NIPSNAP3A: variants seen among roughly 807,000 people sequenced by gnomAD.
NIPSNAP3A encodes the protein protein NipSnap homolog 3A.
In NIPSNAP3A, 27 loss-of-function variants were observed where a neutral mutation model predicts 32.3. The ratio of observed to expected loss-of-function variants is 0.84; its 90% CI spans 0.62 to 1.15. The LOEUF is 1.15. NIPSNAP3A is among the 50% of genes most tolerant of loss of function. The probability of loss-of-function intolerance (pLI) is 0.00; values close to 1 mark genes in which losing one functional copy is unlikely to be tolerated. For synonymous variants in NIPSNAP3A, 108 were observed against 107.3 expected (o/e 1.01, Z -0.04); for missense variants, 278 against 297.2 (o/e 0.94, Z 0.48).
intron 4 of NIPSNAP3A, 69 bp from the exon 5 acceptor site, chr9:104,759,016 C>G: frequency 2.0e-5 from 17 of 835,800 alleles, no homozygotes; most frequent in Non-Finnish European, 2.9e-5. Context: ...GGGTTTGATT[C>G]ATTTTTCTGT....
Position 104,747,761 on chromosome 9 carries a change from C to G in NIPSNAP3A, c.-32C>G, listed in dbSNP as rs569739687. The G allele has an allele frequency of 6.3e-7, 1 of 1,597,942 alleles. No individual in the cohort carries two copies. The highest frequency in any genetic ancestry group is 1.1e-5 in the South Asian group (1 of 89,092). The stretch of plus-strand genomic sequence containing the variant: ...CAGAGGAGTCTCAGAAAGGACACGG[C>G]TGGCTGCTTTTCTCAGCGCCGAAGC... On this transcript the variant is annotated 5_prime_UTR_variant, in exon 1 of 6. Coordinates refer to ENST00000374767, the MANE Select transcript of NIPSNAP3A (RefSeq NM_015469.3).
rs1431456894 is a variant in NIPSNAP3A at position 104,759,285 on chromosome 9, G to T, written c.691G>T (p.Val231Leu). 1 of 1,614,098 alleles carries T rather than the reference G, an allele frequency of 6.2e-7. No individual in the cohort carries two copies. Among genetic ancestry groups the T allele is most frequent in the Non-Finnish European group, 8.5e-7 (1 of 1,180,020 alleles). The change falls in exon 6 of 6, where the codon GTA (valine) becomes TTA (leucine). Residue 231 changes from valine (V) to leucine (L), a missense_variant. Val to Leu is a conservative substitution (Grantham distance 32). Transcript: ENST00000374767. The stretch of plus-strand genomic sequence containing the variant: ...AGTTCGGGAAAGTGTCAACTACCTA[G>T]TATCTCAGCAGAATATGCTTCTGAT... ...AAVRESVNYL[V>L]SQQNMLLIPT...
At chr9:104,755,011 G>C (rs1827889746) in intron 4 of NIPSNAP3A, among the ~76,000 whole-genome samples, 1 of 151,976 alleles carries the variant, frequency 6.6e-6, no homozygotes, top group South Asian at 2.1e-4. Flanking sequence ...GAGGCTGAGG[G>C]GGTGGATCAC....
intron 4 of NIPSNAP3A, among the ~76,000 whole-genome samples, chr9:104,758,649 T>C (rs866982599): frequency 3.2e-4 from 48 of 152,198 alleles, no homozygotes; most frequent in African/African-American, 1.0e-3. Flanking sequence ...TTGATATCAC[T>C]ATTTCGATTT....
intron 4 of NIPSNAP3A, 91 bp from the exon 5 acceptor site, chr9:104,758,994 A>G (rs2118762368): frequency 3.6e-6 from 4 of 1,124,318 alleles, no homozygotes; most frequent in East Asian, 5.7e-5. Context: ...AAAAAAAAAA[A>G]AAGAATAGGA....
rs1350947536 is a variant in NIPSNAP3A, at chr9:104,754,610, GCA to G, written c.491_492del (p.Ala164ValfsTer2). The G allele has an allele frequency of 1.2e-6, 2 of 1,613,940 alleles. No homozygotes were observed. The highest frequency in any genetic ancestry group is 1.7e-6 in the Non-Finnish European group (2 of 1,179,868). ...KPGGPALWGD[A>X]FKRAVHAHVN... ...TGGTGGGCCAGCTCTGTGGGGTGAT[GCA>G]TTTAAAAGGGCAGTTCATGCTCATG... On this transcript the variant is annotated frameshift_variant, in exon 4 of 6. Transcript: ENST00000374767. LOFTEE classifies it high-confidence loss of function.
chr9:104,754,081 C>T (rs1010485539), intron 3 of NIPSNAP3A: 1 of 154,692 alleles, frequency 6.5e-6, no homozygotes, highest in African/African-American at 2.4e-5. Flanking sequence ...CCACTCTTTG[C>T]TTTGCTGTTC....
chr9:104,751,381 CATTAT>C (rs1248663300), intron 2 of NIPSNAP3A, among the ~76,000 whole-genome samples: 2 of 152,160 alleles, frequency 1.3e-5, no homozygotes, highest in Non-Finnish European at 2.9e-5. Context: ...TTAAACATTA[CATTAT>C]ATTACATTAT....
chr9:104,748,353 A>G (rs1334442682), intron 1 of NIPSNAP3A, among the ~76,000 whole-genome samples: 1 of 151,870 alleles, frequency 6.6e-6, no homozygotes, highest in African/African-American at 2.4e-5. Context: ...GAAGCACACA[A>G]CTTCCGAGCA....
chr9:104,752,529 A>G (rs891791863), intron 2 of NIPSNAP3A, among the ~76,000 whole-genome samples: 1 of 152,190 alleles, frequency 6.6e-6, no homozygotes, highest in Non-Finnish European at 1.5e-5. Flanking sequence ...GCCAACCGCT[A>G]TATTCTAAAC....
chr9:104,750,204 A>G (rs1372533334), intron 1 of NIPSNAP3A, among the ~76,000 whole-genome samples: 1 of 152,242 alleles, frequency 6.6e-6, no homozygotes, highest in Non-Finnish European at 1.5e-5. Context: ...CTCTTGACTA[A>G]AGATGCAATA....
In NIPSNAP3A at chr9:104,760,047, T is replaced by C. The variant is rs1827955974; in HGVS notation, c.*709T>C. Reference sequence around the variant, plus strand: ...TTCGGATCCTGTTTAACAAAGATACTTGAGACATCCATTTGTTTTAATGAA... The same window carrying C: ...TTCGGATCCTGTTTAACAAAGATACCTGAGACATCCATTTGTTTTAATGAA... On this transcript the variant is annotated 3_prime_UTR_variant, in exon 6 of 6. Transcript: ENST00000374767. The C allele has an allele frequency of 6.6e-6, 1 of 152,208 alleles. No homozygotes were observed. Among genetic ancestry groups the C allele is most frequent in the Admixed American group, 6.5e-5 (1 of 15,282 alleles). 9.4% of individuals were successfully genotyped at this position (152,208 alleles called of 1,614,324 possible).
intron 5 of NIPSNAP3A, 32 bp downstream of exon 5, chr9:104,759,203 TA>T (rs781380787): frequency 1.5e-5 from 25 of 1,613,972 alleles, no homozygotes; most frequent in Non-Finnish European, 2.1e-5. Flanking sequence ...GAATTATTTT[TA>T]GAACAAATGT....
chr9:104,749,804 C>G (rs1411563384), intron 1 of NIPSNAP3A, among the ~76,000 whole-genome samples: 2 of 152,132 alleles, frequency 1.3e-5, no homozygotes, highest in Non-Finnish European at 2.9e-5. Context: ...ATGACTATTA[C>G]AAAAGGAATT....
At chr9:104,748,429 C>T (rs1356276285) in intron 1 of NIPSNAP3A, among the ~76,000 whole-genome samples, 1 of 152,156 alleles carries the variant, frequency 6.6e-6, no homozygotes, top group Non-Finnish European at 1.5e-5. Flanking sequence ...CCGCCACCCG[C>T]GCTTCGTGTG....
chr9:104,751,195 G>C (rs186265112), intron 2 of NIPSNAP3A, 29 bp downstream of exon 2: 9 of 1,568,002 alleles, frequency 5.7e-6, no homozygotes, highest in Non-Finnish European at 7.0e-6. Context: ...TTGGCTTTCA[G>C]TATAGATTTT....
intron 2 of NIPSNAP3A, 52 bp from the exon 3 acceptor site, chr9:104,752,854 A>G: frequency 6.8e-7 from 1 of 1,461,930 alleles, no homozygotes; most frequent in Non-Finnish European, 9.6e-7. Flanking sequence ...AGAAAAGTAC[A>G]GGTGATTTAA....
chr9:104,753,536 G>GCT (rs1024506378), intron 3 of NIPSNAP3A: 70 of 155,280 alleles, frequency 4.5e-4, no homozygotes, highest in African/African-American at 1.6e-3. Flanking sequence ...AAACTGCCAA[G>GCT]CTATATTACT....
At chr9:104,759,214 T>A (rs1463030241) in intron 5 of NIPSNAP3A, 43 bp downstream of exon 5, 1 of 1,613,844 alleles carries the variant, frequency 6.2e-7, no homozygotes, top group Non-Finnish European at 8.5e-7. Flanking sequence ...AGAACAAATG[T>A]GTTTCAGTCA....
Sources: gnomAD v4.1 joint callset for allele counts (sites outside exome capture counted in the v4.1 genomes callset) on GRCh38, gnomAD v4.1.1 for gene constraint, MANE v1.5 for transcripts, NCBI Gene and HGNC (gene_info 2026-07-23, HGNC 2026-07-21) for gene names.